The following METTL15 variants were observed in gnomAD, a reference collection of about 807,000 sequenced individuals.
The protein encoded by METTL15 is methyltransferase 15, mitochondrial 12S rRNA N4-cytidine.
Under a neutral mutation model 38.3 loss-of-function variants are expected in METTL15, and 34 were observed. The ratio of observed to expected loss-of-function variants is 0.89; its 90% CI spans 0.68 to 1.18. The LOEUF is 1.18. Ranked by LOEUF, METTL15 falls within the 50% of genes most tolerant of loss-of-function variation. The pLI is 0.00. For synonymous variants in METTL15, 162 were observed against 170.9 expected (o/e 0.95, Z 0.41); for missense variants, 438 against 498.4 (o/e 0.88, Z 1.15).
At chr11:28,328,910 TG>T (rs1239585836) in intron 6 of METTL15, among the ~76,000 whole-genome samples, 1 of 152,106 alleles carries the variant, frequency 6.6e-6, no homozygotes, top group African/African-American at 2.4e-5. Context: ...TTCTCTGACT[TG>T]TCTTTCATTT....
chr11:28,309,067 C>T (rs1201006231), intron 6 of METTL15, among the ~76,000 whole-genome samples: 1 of 152,126 alleles, frequency 6.6e-6, no homozygotes, highest in Non-Finnish European at 1.5e-5. Context: ...GCTGTACTCC[C>T]TCATTTGTAG....
chr11:28,194,122 A>ATCTT (rs57046097), intron 3 of METTL15, among the ~76,000 whole-genome samples: 11,323 of 99,060 alleles, frequency 0.11, 718 homozygotes, highest in Admixed American at 0.13. Flanking sequence ...TTGATGGTTG[A>ATCTT]TCTTTCTTTC....
intron 5 of METTL15, among the ~76,000 whole-genome samples, chr11:28,293,173 G>GT (rs1856589570): frequency 6.6e-6 from 1 of 152,106 alleles, no homozygotes; most frequent in Non-Finnish European, 1.5e-5. Context: ...TTCTCCTAAG[G>GT]TTTTTATGGT....
intron 6 of METTL15, among the ~76,000 whole-genome samples, chr11:28,500,744 A>G (rs1313256166): frequency 2.0e-5 from 3 of 152,012 alleles, no homozygotes; most frequent in Non-Finnish European, 4.4e-5. Flanking sequence ...GCTGGTCTTG[A>G]ACTCCTGACC....
intron 6 of METTL15, among the ~76,000 whole-genome samples, chr11:28,478,159 C>G (rs118033895): frequency 0.028 from 4,327 of 152,242 alleles, 107 homozygotes; most frequent in South Asian, 0.11. Context: ...AAAGAAAGGA[C>G]CATCTGGAAG....
At chr11:28,425,051 C>A (rs745705067) in intron 6 of METTL15, among the ~76,000 whole-genome samples, 23 of 152,170 alleles carry the variant, frequency 1.5e-4, no homozygotes, top group Non-Finnish European at 2.8e-4. Context: ...TTTATAAGAT[C>A]ATTTTCCTGC....
At chr11:28,239,860 T>C (rs1259004819) in intron 4 of METTL15, among the ~76,000 whole-genome samples, 3 of 152,346 alleles carry the variant, frequency 2.0e-5, no homozygotes, top group Middle Eastern at 3.4e-3. Flanking sequence ...TATTTTGTTA[T>C]ACAACATCAC....
At chr11:28,338,003 G>A (rs1307858396), downstream of METTL15, among the ~76,000 whole-genome samples, 2 of 151,680 alleles carry the variant, frequency 1.3e-5, no homozygotes, top group Non-Finnish European at 2.9e-5. Context: ...ACTTTCATCT[G>A]GGCATTTATA....
chr11:28,397,898 A>G (rs933540546), intron 5 of METTL15, among the ~76,000 whole-genome samples: 1 of 152,212 alleles, frequency 6.6e-6, no homozygotes, highest in African/African-American at 2.4e-5. Flanking sequence ...ACCATGGAAT[A>G]CTATGCAGCC....
intron 3 of METTL15, among the ~76,000 whole-genome samples, chr11:28,342,254 A>T (rs559274065): frequency 1.3e-4 from 19 of 151,460 alleles, no homozygotes; most frequent in Non-Finnish European, 2.4e-4. Context: ...CTATTTTTTT[A>T]TTTTTATTTT....
At chr11:28,227,746 GTCT>G (rs1472087488) in intron 4 of METTL15, among the ~76,000 whole-genome samples, 4 of 151,774 alleles carry the variant, frequency 2.6e-5, no homozygotes, top group South Asian at 4.1e-4. Flanking sequence ...TAAAAGAATA[GTCT>G]TCTTGTTTCT....
intron 3 of METTL15, among the ~76,000 whole-genome samples, chr11:28,171,756 G>A (rs1346546637): frequency 6.7e-6 from 1 of 148,762 alleles, no homozygotes; most frequent in Non-Finnish European, 1.5e-5. Context: ...TCAAATCTTT[G>A]TTTCCCCTGC....
chr11:28,397,729 C>T (rs1016792757), intron 5 of METTL15, among the ~76,000 whole-genome samples: 3 of 152,106 alleles, frequency 2.0e-5, no homozygotes, highest in African/African-American at 2.4e-5. Context: ...CCCAGCCATC[C>T]TATTACTGAG....
At chr11:28,373,798 G>A (rs1023272908) in intron 5 of METTL15, among the ~76,000 whole-genome samples, 17 of 152,032 alleles carry the variant, frequency 1.1e-4, no homozygotes, top group Admixed American at 8.5e-4. Context: ...TCTGGTTTTA[G>A]GTCTAACATT....
At chr11:28,120,265 T>A (rs1852167116) in intron 3 of METTL15, among the ~76,000 whole-genome samples, 1 of 151,912 alleles carries the variant, frequency 6.6e-6, no homozygotes, top group Admixed American at 6.6e-5. Flanking sequence ...TTTTTTTTTT[T>A]TCTTCTTAAG....
intron 3 of METTL15, among the ~76,000 whole-genome samples, chr11:28,196,541 TG>T (rs1851915904): frequency 6.6e-6 from 1 of 152,080 alleles, no homozygotes; most frequent in African/African-American, 2.4e-5. Context: ...GTATATACAT[TG>T]ATTTTGTAAC....
chr11:28,172,160 T>C (rs1850883148), intron 3 of METTL15, among the ~76,000 whole-genome samples: 1 of 152,110 alleles, frequency 6.6e-6, no homozygotes, highest in African/African-American at 2.4e-5. Context: ...GATTCAGGAA[T>C]ATGTGATTTT....
intron 6 of METTL15, among the ~76,000 whole-genome samples, chr11:28,492,438 A>G (rs1464160354): frequency 6.6e-6 from 1 of 151,938 alleles, no homozygotes; most frequent in East Asian, 1.9e-4. Context: ...GGGGGTGGTA[A>G]GTGCATAGGT....
At chr11:28,154,707 G>C (rs1850204981) in intron 3 of METTL15, among the ~76,000 whole-genome samples, 2 of 152,034 alleles carry the variant, frequency 1.3e-5, no homozygotes, top group Admixed American at 6.6e-5. Flanking sequence ...CTCATACAAG[G>C]ATTGTGCTGA....
Sources: allele counts gnomAD v4.1 joint callset (sites outside exome capture counted in the v4.1 genomes callset), GRCh38; gene constraint gnomAD v4.1.1; transcripts MANE v1.5; gene names NCBI Gene and HGNC (gene_info 2026-07-23, HGNC 2026-07-21).